Variants in BMP7 observed in about 807,000 individuals in gnomAD.
BMP7 encodes osteogenic protein 1.
BMP7 carries 12 observed loss-of-function variants against 41.2 expected under a neutral mutation model. The ratio of observed to expected loss-of-function variants is 0.29; its 90% CI spans 0.19 to 0.47. The LOEUF is 0.47. Among genes scored for constraint, BMP7 ranks in the 20% least tolerant of loss-of-function variants. The pLI is 0.99. For missense variants in BMP7, 467 were observed against 606.0 expected (o/e 0.77, Z 2.41); for synonymous variants, 248 against 250.0 (o/e 0.99, Z 0.07).
At chr20:57,234,395 C>T (rs1370551144) in intron 1 of BMP7, among the ~76,000 whole-genome samples, 2 of 152,202 alleles carry the variant, frequency 1.3e-5, no homozygotes, top group East Asian at 1.9e-4. Context: ...CTTCCAAGCA[C>T]GGAGGACTGA....
intron 1 of BMP7, among the ~76,000 whole-genome samples, chr20:57,252,987 G>A (rs1395653016): frequency 6.6e-6 from 1 of 152,118 alleles, no homozygotes; most frequent in African/African-American, 2.4e-5. Flanking sequence ...GAACGATCTG[G>A]TTAAACATAC....
At chr20:57,175,077 C>T in intron 4 of BMP7, 70 bp from the exon 5 acceptor site, 1 of 1,477,268 alleles carries the variant, frequency 6.8e-7, no homozygotes, top group Middle Eastern at 1.7e-4. Context: ...TCAAAGTTCC[C>T]TCCATCTTAG....
chr20:57,216,330 C>CA (rs1451449889), intron 2 of BMP7, among the ~76,000 whole-genome samples: 7 of 152,154 alleles, frequency 4.6e-5, no homozygotes, highest in Non-Finnish European at 2.9e-5. Context: ...GACTTGAATG[C>CA]AAGTAGTTTG....
In BMP7 at chr20:57,170,758, C is replaced by G; in HGVS notation, c.*201G>C. On this transcript the variant is annotated 3_prime_UTR_variant, in exon 7 of 7. Coordinates refer to ENST00000395863, the MANE Select transcript of BMP7 (RefSeq NM_001719.3). ...GTTTTGCCTGCACAGCTTGTAGGAT[C>G]TTGTTCATTGGATGCTGCCACTGAA... is the stretch of plus-strand genomic sequence containing the variant. The G allele has an allele frequency of 1.5e-6, 1 of 677,298 alleles. No homozygotes were observed. Among genetic ancestry groups the G allele is most frequent in the Non-Finnish European group, 2.5e-6 (1 of 401,582 alleles). The allele number at this position is 677,298 out of a possible 1,614,324, so 42.0% of individuals were successfully genotyped here. A position where few individuals can be genotyped will look rare whatever the true frequency, so the allele number is the denominator to read the frequency against.
rs1209706380 is a variant in BMP7, at chr20:57,171,171, A to C, written c.1147-63T>G. 6.2e-7 allele frequency: 1 copy of C among 1,606,120 alleles called. No homozygotes were observed. Among genetic ancestry groups the C allele is most frequent in the Non-Finnish European group, 8.5e-7 (1 of 1,173,694 alleles). On this transcript the variant is annotated intron_variant, in intron 6 of 6. Coordinates refer to ENST00000395863, the MANE Select transcript of BMP7 (RefSeq NM_001719.3). The surrounding 1 kb of genome is among the most constrained non-coding windows in gnomAD (Gnocchi z 4.5). The stretch of plus-strand genomic sequence containing the variant: ...CGGTGAGTCGTTCTAACTGGCCTCC[A>C]CGTTTCTATAAAGAAACATCCTGTC...
At chr20:57,208,149 C>T (rs992002074) in intron 2 of BMP7, among the ~76,000 whole-genome samples, 4 of 152,216 alleles carry the variant, frequency 2.6e-5, no homozygotes, top group Admixed American at 2.6e-4. Flanking sequence ...TTTATAACCA[C>T]AGATTTTGCA....
chr20:57,232,041 C>T (rs111954131), intron 1 of BMP7, among the ~76,000 whole-genome samples: 55 of 152,298 alleles, frequency 3.6e-4, no homozygotes, highest in African/African-American at 8.4e-4. Flanking sequence ...TCAGGGAGGC[C>T]GGGTAACTTT....
intron 2 of BMP7, among the ~76,000 whole-genome samples, chr20:57,218,747 A>G (rs1244688900): frequency 2.5e-4 from 21 of 85,592 alleles, no homozygotes; most frequent in East Asian, 7.7e-4. Context: ...GGTAGCTGGC[A>G]TTTGTTCGGT....
Position 57,213,920 on chromosome 20 carries a change from G to T in BMP7, c.612-11297C>A, listed in dbSNP as rs1984952569. On this transcript the variant is annotated intron_variant, in intron 2 of 6. Transcript: ENST00000395863. The surrounding 1 kb of genome is among the most constrained non-coding windows in gnomAD (Gnocchi z 4.4). ...ATGGAAAGATATGCTCAAGATGCCAGCGCAAAGCCAGAGACTCAAGGTTCG... is the reference window on the plus strand; with the variant it reads ...ATGGAAAGATATGCTCAAGATGCCATCGCAAAGCCAGAGACTCAAGGTTCG... Among the ~76,000 whole-genome samples the T allele has an allele frequency of 6.6e-6, 1 of 152,240 alleles. No individual in the cohort carries two copies. Among genetic ancestry groups the T allele is most frequent in the Non-Finnish European group, 1.5e-5 (1 of 68,042 alleles).
chr20:57,203,022 A>T (rs1312537600), intron 2 of BMP7, among the ~76,000 whole-genome samples: 1 of 152,144 alleles, frequency 6.6e-6, no homozygotes, highest in Non-Finnish European at 1.5e-5. Flanking sequence ...CACGGGCTCA[A>T]CACTACACTA....
intron 2 of BMP7, among the ~76,000 whole-genome samples, chr20:57,226,824 C>CT (rs36113686): frequency 0.28 from 34,168 of 123,176 alleles, 6,704 homozygotes; most frequent in African/African-American, 0.54. Context: ...TACTCAAAAA[C>CT]TTTTTTTTTT....
Position 57,213,764 on chromosome 20 carries a change from C to T in BMP7, c.612-11141G>A, listed in dbSNP as rs1328282249. On this transcript the variant is annotated intron_variant, in intron 2 of 6. Coordinates refer to ENST00000395863, the MANE Select transcript of BMP7 (RefSeq NM_001719.3). This position sits in a 1 kb window ranked among gnomAD's most constrained non-coding sequence, Gnocchi z 4.4. ...CTCAGGGATGTAGGCTGTAGGGCTC[C>T]AGGCTCTGAGTTGAGGAAAATTGGA... Among the ~76,000 whole-genome samples the T allele has an allele frequency of 6.6e-6, 1 of 152,164 alleles. No homozygotes were observed. Among genetic ancestry groups the T allele is most frequent in the Non-Finnish European group, 1.5e-5 (1 of 68,036 alleles).
intron 1 of BMP7, among the ~76,000 whole-genome samples, chr20:57,230,013 G>T (rs935400386): frequency 4.6e-5 from 7 of 152,238 alleles, no homozygotes; most frequent in African/African-American, 1.4e-4. Context: ...TGAGGCTGGG[G>T]TCTCTGGCTG....
chr20:57,261,296 C>T lies in BMP7; in HGVS notation c.418+4409G>A, dbSNP rs961855991. Among the ~76,000 whole-genome samples the T allele has an allele frequency of 6.6e-6, 1 of 152,112 alleles. No individual in the cohort carries two copies. The highest frequency in any genetic ancestry group is 1.5e-5 in the Non-Finnish European group (1 of 68,008). On this transcript the variant is annotated intron_variant, in intron 1 of 6. Coordinates refer to ENST00000395863, the MANE Select transcript of BMP7 (RefSeq NM_001719.3). This position sits in a 1 kb window ranked among gnomAD's most constrained non-coding sequence, Gnocchi z 4.1. ...CTGTCTGTGCATTCAGACAATCATC[C>T]CCCTTGCTGCCCTGAAACTGATTTG...
chr20:57,187,097 G>T (rs1428671463), intron 3 of BMP7: 1 of 152,226 alleles, frequency 6.6e-6, no homozygotes, highest in East Asian at 1.9e-4. Context: ...CTGAGTGAAG[G>T]TGTCTGGCTT....
At chr20:57,189,749 T>G (rs1984306350) in intron 3 of BMP7, among the ~76,000 whole-genome samples, 1 of 152,254 alleles carries the variant, frequency 6.6e-6, no homozygotes, top group Non-Finnish European at 1.5e-5. Context: ...CTTGAACAAC[T>G]AACTTGTTTT....
At chr20:57,181,496 TAAAA>T (rs67768281) in intron 4 of BMP7, among the ~76,000 whole-genome samples, 7 of 139,570 alleles carry the variant, frequency 5.0e-5, no homozygotes, top group Admixed American at 7.1e-5. Context: ...ACCCTGTCTC[TAAAA>T]AAAAAAAAAA....
rs1316218923 is a variant in BMP7 at position 57,168,893 on chromosome 20, AAAAC to A, written c.*2062_*2065del. The stretch of plus-strand genomic sequence containing the variant: ...CCATTAATAAATAGTCTTAAATAAG[AAAAC>A]AAACAGGTTGAAGGAAAGCAAGCTC... On this transcript the variant is annotated 3_prime_UTR_variant, in exon 7 of 7. Transcript: ENST00000395863. 2.0e-5 allele frequency: 3 copies of A among 151,916 alleles called. No homozygotes were observed. Among genetic ancestry groups the A allele is most frequent in the Admixed American group, 6.6e-5 (1 of 15,250 alleles). 9.4% of individuals were successfully genotyped at this position (151,916 alleles called of 1,614,324 possible). A position where few individuals can be genotyped will look rare whatever the true frequency, so the allele number is the denominator to read the frequency against.
At chr20:57,254,738 C>T (rs555011133) in intron 1 of BMP7, among the ~76,000 whole-genome samples, 6 of 152,154 alleles carry the variant, frequency 3.9e-5, no homozygotes, top group Non-Finnish European at 8.8e-5. Flanking sequence ...ACCTGCTTCT[C>T]TCTCGAATCC....
Sources: allele counts gnomAD v4.1 joint callset (sites outside exome capture counted in the v4.1 genomes callset), GRCh38; gene constraint gnomAD v4.1.1; non-coding constraint Gnocchi (gnomAD v3.1); transcripts MANE v1.5; gene names NCBI Gene and HGNC (gene_info 2026-07-23, HGNC 2026-07-21).